Variants in NAPB observed in about 807,000 individuals in gnomAD.
The protein encoded by NAPB is NSF attachment protein beta, also known as beta-soluble NSF attachment protein.
A neutral mutation model predicts 44.7 loss-of-function variants in NAPB; 26 were observed. The ratio of observed to expected loss-of-function variants is 0.58; its 90% CI spans 0.43 to 0.81. The LOEUF is 0.81. Among genes scored for constraint, NAPB ranks in the 30% least tolerant of loss-of-function variants. The pLI, the probability that NAPB is intolerant of heterozygous loss-of-function variation, is 0.00. For synonymous variants in NAPB, 120 were observed against 116.8 expected (o/e 1.03, Z -0.18); for missense variants, 315 against 356.4 (o/e 0.88, Z 0.94).
chr20:23,394,913 A>G lies in NAPB; in HGVS notation c.420+9T>C. 1 of 1,613,128 alleles carries G rather than the reference A, an allele frequency of 6.2e-7. No individual in the cohort carries two copies. The highest frequency in any genetic ancestry group is 8.5e-7 in the Non-Finnish European group (1 of 1,179,082). On this transcript the variant is annotated intron_variant, in intron 5 of 10. Transcript: ENST00000377026. ...GCTTCACATCTGAGGAAGTGTGCCC[A>G]CTGCTTACCTTCTCAATGTCTACAA...
chr20:23,411,073 A>T (rs1319798783), intron 1 of NAPB, among the ~76,000 whole-genome samples: 1 of 152,226 alleles, frequency 6.6e-6, no homozygotes, highest in Non-Finnish European at 1.5e-5. Context: ...GATCTAAGTA[A>T]AAGTAATACA....
intron 1 of NAPB, among the ~76,000 whole-genome samples, chr20:23,419,811 C>T (rs1459749903): frequency 6.6e-6 from 1 of 152,168 alleles, no homozygotes; most frequent in African/African-American, 2.4e-5. Context: ...GGACAGGGAC[C>T]CTTATCTTCT....
intron 2 of NAPB, among the ~76,000 whole-genome samples, chr20:23,398,921 T>C (rs1014143249): frequency 1.4e-5 from 2 of 146,746 alleles, no homozygotes; most frequent in Non-Finnish European, 3.0e-5. Context: ...TTTGAACTTC[T>C]GGGCTCAAGC....
rs1983608067 is a variant in NAPB, at chr20:23,387,386, A to G, written c.561+2560T>C. ...TATTCAACACTGCACTGGAGATTCTAGCCAGGGCAACCGAGAAAATGAAGT... is the reference window on the plus strand; with the variant it reads ...TATTCAACACTGCACTGGAGATTCTGGCCAGGGCAACCGAGAAAATGAAGT... On this transcript the variant is annotated intron_variant, in intron 7 of 10. Transcript: ENST00000377026. Among the ~76,000 whole-genome samples the G allele has an allele frequency of 2.0e-5, 3 of 152,232 alleles. No individual in the cohort carries two copies. In the South Asian group the frequency reaches 6.2e-4, roughly 31 times the overall value.
intron 1 of NAPB, among the ~76,000 whole-genome samples, chr20:23,412,481 CATA>C (rs148562711): frequency 0.021 from 3,195 of 152,198 alleles, 113 homozygotes; most frequent in African/African-American, 0.073. Flanking sequence ...AAATATAATT[CATA>C]ATAATATTAG....
At chr20:23,386,639 C>T (rs921591184) in intron 7 of NAPB, among the ~76,000 whole-genome samples, 7 of 152,222 alleles carry the variant, frequency 4.6e-5, no homozygotes, top group Non-Finnish European at 7.3e-5. Context: ...ACTCAGAACA[C>T]CACGTTCAGG....
chr20:23,400,454 T>C (rs1984751368), intron 2 of NAPB, among the ~76,000 whole-genome samples: 1 of 151,964 alleles, frequency 6.6e-6, no homozygotes, highest in Non-Finnish European at 1.5e-5. Context: ...AGGCGGAGGT[T>C]GCAGTGAGCT....
intron 1 of NAPB, among the ~76,000 whole-genome samples, chr20:23,408,461 A>C (rs2123240726): frequency 6.6e-6 from 1 of 152,346 alleles, no homozygotes; most frequent in South Asian, 2.1e-4. Flanking sequence ...AAGAATCCAG[A>C]AGAGAGGAAA....
At chr20:23,402,069 T>C (rs775598945) in intron 2 of NAPB, among the ~76,000 whole-genome samples, 2 of 152,372 alleles carry the variant, frequency 1.3e-5, no homozygotes, top group African/African-American at 2.4e-5. Context: ...AAAAATAGCA[T>C]ATCTAAAGCC....
At chr20:23,395,864 C>T (rs1329409844) in intron 3 of NAPB, among the ~76,000 whole-genome samples, 2 of 152,156 alleles carry the variant, frequency 1.3e-5, no homozygotes, top group Non-Finnish European at 2.9e-5. Flanking sequence ...CATACAGTGA[C>T]AGCTCCAAGT....
intron 9 of NAPB, 111 bp from the exon 10 acceptor site, chr20:23,379,606 A>C (rs1464993855): frequency 1.2e-6 from 1 of 832,354 alleles, no homozygotes; most frequent in Non-Finnish European, 1.9e-6. Flanking sequence ...AAAACTGAGG[A>C]AATACTCATA....
At chr20:23,420,595 G>A (rs1203109260) in intron 1 of NAPB, among the ~76,000 whole-genome samples, 1 of 151,952 alleles carries the variant, frequency 6.6e-6, no homozygotes, top group African/African-American at 2.4e-5. Context: ...CGCCTCACCC[G>A]GACCGGTCTC....
chr20:23,408,490 C>G (rs6137938), intron 1 of NAPB, among the ~76,000 whole-genome samples: 11,548 of 152,226 alleles, frequency 0.076, 669 homozygotes, highest in East Asian at 0.3. Flanking sequence ...TCTGTCTGAA[C>G]GTGCCTCTGC....
chr20:23,419,321 A>G lies in NAPB; in HGVS notation c.98+1984T>C, dbSNP rs562903302. Reference sequence around the variant, plus strand: ...GTGAATGGTGAAGATTCGTCTTCTTATATGTCCTGTCAATAACATAGGTAG... The same window carrying G: ...GTGAATGGTGAAGATTCGTCTTCTTGTATGTCCTGTCAATAACATAGGTAG... On this transcript the variant is annotated intron_variant, in intron 1 of 10. Transcript: ENST00000377026. Among the ~76,000 whole-genome samples, 8 of 152,350 alleles carry G rather than the reference A, an allele frequency of 5.3e-5. No homozygotes were observed. The South Asian group carries it at 1.7e-3, about 32-fold the overall frequency.
At chr20:23,399,403 G>A (rs140153483) in intron 2 of NAPB, among the ~76,000 whole-genome samples, 3 of 152,290 alleles carry the variant, frequency 2.0e-5, no homozygotes, top group East Asian at 1.9e-4. Context: ...CTTCCACCAC[G>A]TGAGGACATA....
chr20:23,400,113 G>A (rs746656161), intron 2 of NAPB, among the ~76,000 whole-genome samples: 6 of 152,094 alleles, frequency 3.9e-5, no homozygotes, highest in Non-Finnish European at 5.9e-5. Context: ...AACAGTAAGC[G>A]CTTTAATTTT....
intron 8 of NAPB, 103 bp downstream of exon 8, chr20:23,381,110 T>C: frequency 1.2e-6 from 1 of 804,324 alleles, no homozygotes; most frequent in East Asian, 2.5e-5. Context: ...TACCCGTTTA[T>C]TCTTGGTACT....
rs1568599618 is a variant in NAPB, at chr20:23,376,692, A to AGTGC, written c.*683_*684insGCAC. 15 of 151,594 alleles carry AGTGC rather than the reference A, an allele frequency of 9.9e-5. No homozygotes were observed. Among genetic ancestry groups the AGTGC allele is most frequent in the African/African-American group, 2.7e-4 (11 of 41,214 alleles). 9.4% of individuals were successfully genotyped at this position (151,594 alleles called of 1,614,324 possible). On this transcript the variant is annotated 3_prime_UTR_variant, in exon 11 of 11. Transcript: ENST00000377026. ...ATCTTGTGATATGTGTGTGTGTGTA[A>AGTGC]ACGCGTGTGTCTAAGTACAAATCAA...
At chr20:23,421,183 GCC>G in intron 1 of NAPB, 120 bp downstream of exon 1, 1 of 734,460 alleles carries the variant, frequency 1.4e-6, no homozygotes. Flanking sequence ...CAGGCTGAGG[GCC>G]CCTAGACGTG....
Sources: gnomAD v4.1 joint callset for allele counts (sites outside exome capture counted in the v4.1 genomes callset) on GRCh38, gnomAD v4.1.1 for gene constraint, MANE v1.5 for transcripts, NCBI Gene and HGNC (gene_info 2026-07-23, HGNC 2026-07-21) for gene names.